The following USP54 variants were observed in gnomAD, a reference collection of about 807,000 sequenced individuals.
The protein encoded by USP54 is ubiquitin specific peptidase 54, also known as ubiquitin carboxyl-terminal hydrolase 54.
In USP54, 87 loss-of-function variants were observed where a neutral mutation model predicts 170.5. That is an observed-to-expected ratio of 0.51 (90% confidence interval 0.43 to 0.61). The LOEUF (loss-of-function observed/expected upper bound fraction) is 0.61, where lower values mean the gene tolerates loss of function less well. Among genes scored for constraint, USP54 ranks in the 20% least tolerant of loss-of-function variants. The pLI is 0.00. For missense variants in USP54, 1,786 were observed against 2,047.8 expected, an observed-to-expected ratio of 0.87 and a Z score of 2.47; for synonymous variants, 655 against 742.8, an observed-to-expected ratio of 0.88 and a Z score of 1.92.
chr10:73,523,563 C>A lies in USP54; in HGVS notation c.2362+20G>T. 6.3e-7 allele frequency: 1 copy of A among 1,580,342 alleles called. No individual in the cohort carries two copies. On this transcript the variant is annotated intron_variant, in intron 17 of 23. Transcript: ENST00000687698. ...TCTGTCTGTCCCCATCACCCACAAC[C>A]TAATGCTCACAACAATTACCCTGAT...
chr10:73,625,446 C>T (rs2081454215), intron 1 of USP54: 1 of 151,984 alleles, frequency 6.6e-6, no homozygotes, highest in Non-Finnish European at 1.5e-5. Flanking sequence ...GGCGCGCGGT[C>T]CCCGACTAGC....
chr10:73,548,430 C>T (rs1158172544), intron 4 of USP54, among the ~76,000 whole-genome samples: 3 of 152,040 alleles, frequency 2.0e-5, no homozygotes, highest in African/African-American at 4.8e-5. Flanking sequence ...CACATGCACA[C>T]GTATGTTTAT....
chr10:73,551,073 C>T (rs1010837661), intron 4 of USP54, among the ~76,000 whole-genome samples: 1 of 152,130 alleles, frequency 6.6e-6, no homozygotes, highest in South Asian at 2.1e-4. Context: ...TACTGCACTC[C>T]AGCCTGGGCG....
intron 5 of USP54, among the ~76,000 whole-genome samples, chr10:73,545,026 T>A (rs1305987224): frequency 6.6e-6 from 1 of 152,124 alleles, no homozygotes; most frequent in East Asian, 1.9e-4. Flanking sequence ...ATTTTCTAAA[T>A]GGATTTACAG....
At chr10:73,576,728 A>T (rs1339420525) in intron 1 of USP54, among the ~76,000 whole-genome samples, 3 of 152,212 alleles carry the variant, frequency 2.0e-5, no homozygotes, top group Non-Finnish European at 4.4e-5. Flanking sequence ...CCTTTTGGAC[A>T]TTGTGAATAA....
At chr10:73,556,832 C>G (rs2071206992) in intron 4 of USP54, among the ~76,000 whole-genome samples, 1 of 152,092 alleles carries the variant, frequency 6.6e-6, no homozygotes. Flanking sequence ...CCGCTCTCCA[C>G]ATATAGATAT....
In USP54 at chr10:73,598,789, G is replaced by A. The variant is rs188596943; in HGVS notation, c.-17-23114C>T. On this transcript the variant is annotated intron_variant, in intron 1 of 22. Transcript: ENST00000339859. ...ATAAAAATTAGCTGGGCGTGGCAGC[G>A]TGCATCTGTAGTCCCAGCTACTTGG... 2.0e-4 allele frequency among the ~76,000 whole-genome samples: 31 copies of A among 152,290 alleles called. No individual in the cohort carries two copies. The South Asian group carries it at 5.6e-3, about 27-fold the overall frequency.
intron 20 of USP54, among the ~76,000 whole-genome samples, chr10:73,509,105 CAAAAAAAAAAAA>C (rs34441562): frequency 1.5e-4 from 7 of 47,298 alleles, no homozygotes; most frequent in South Asian, 1.8e-3. Flanking sequence ...ATCATACTGG[CAAAAAAAAAAAA>C]AAAAAAAAAG....
intron 4 of USP54, among the ~76,000 whole-genome samples, chr10:73,554,791 AAT>A (rs1192910175): frequency 6.6e-6 from 1 of 152,242 alleles, no homozygotes; most frequent in East Asian, 1.9e-4. Flanking sequence ...AATATTTCAA[AAT>A]ATATCTCTAA....
intron 1 of USP54, 21 bp downstream of exon 1, chr10:73,591,257 C>T (rs1398794027): frequency 6.6e-6 from 1 of 151,806 alleles, no homozygotes; most frequent in Admixed American, 6.6e-5. Flanking sequence ...CTGTTTTTAC[C>T]ACAACAACTA....
intron 1 of USP54, among the ~76,000 whole-genome samples, chr10:73,622,209 G>C (rs2081147425): frequency 6.6e-6 from 1 of 152,056 alleles, no homozygotes; most frequent in African/African-American, 2.4e-5. Context: ...GCAGAGTGTT[G>C]TTATAAGATA....
intron 4 of USP54, among the ~76,000 whole-genome samples, chr10:73,550,956 T>G (rs746981258): frequency 6.6e-6 from 1 of 151,996 alleles, no homozygotes; most frequent in Non-Finnish European, 1.5e-5. Context: ...AATACAAAAA[T>G]TATCCAGGCA....
chr10:73,558,944 T>A (rs1157841142), intron 4 of USP54, among the ~76,000 whole-genome samples: 2 of 152,178 alleles, frequency 1.3e-5, no homozygotes, highest in African/African-American at 4.8e-5. Context: ...TTTTTGATAT[T>A]TCTAGGCTAC....
At chr10:73,564,329 G>A (rs192604811) in intron 4 of USP54, among the ~76,000 whole-genome samples, 6 of 152,154 alleles carry the variant, frequency 3.9e-5, no homozygotes, top group South Asian at 2.1e-4. Flanking sequence ...CTTTTGGTAC[G>A]GTATGAAATA....
At chr10:73,579,927 A>G (rs1232515378) in intron 1 of USP54, among the ~76,000 whole-genome samples, 2 of 152,216 alleles carry the variant, frequency 1.3e-5, no homozygotes, top group Non-Finnish European at 2.9e-5. Context: ...CTATACACCT[A>G]TTAGAATAGT....
intron 1 of USP54, among the ~76,000 whole-genome samples, chr10:73,600,005 G>A (rs1399047328): frequency 3.3e-5 from 5 of 150,912 alleles, no homozygotes; most frequent in Admixed American, 6.6e-5. Flanking sequence ...GGGTTCAAGC[G>A]ATTCTCCTGT....
At chr10:73,533,955 G>A (rs1226086246) in intron 12 of USP54, among the ~76,000 whole-genome samples, 1 of 152,192 alleles carries the variant, frequency 6.6e-6, no homozygotes, top group Non-Finnish European at 1.5e-5. Flanking sequence ...TGATGTGCAA[G>A]ATCACAGGGG....
intron 12 of USP54, among the ~76,000 whole-genome samples, chr10:73,532,791 T>C (rs917718857): frequency 6.6e-6 from 1 of 151,816 alleles, no homozygotes; most frequent in Non-Finnish European, 1.5e-5. Flanking sequence ...CAGGACAAAA[T>C]ACCTAGTTCT....
intron 4 of USP54, among the ~76,000 whole-genome samples, chr10:73,552,905 G>A (rs1047869586): frequency 2.6e-5 from 4 of 152,134 alleles, no homozygotes; most frequent in African/African-American, 7.2e-5. Flanking sequence ...GTCATTTCAC[G>A]TTGCTAAAGA....
Sources: gnomAD v4.1 joint callset for allele counts (sites outside exome capture counted in the v4.1 genomes callset) on GRCh38, gnomAD v4.1.1 for gene constraint, MANE v1.5 for transcripts, NCBI Gene and HGNC (gene_info 2026-07-23, HGNC 2026-07-21) for gene names.